AFF2: variants seen among roughly 807,000 people sequenced by gnomAD.
AFF2 encodes the protein AF4/FMR2 family member 2.
AFF2 carries 14 observed loss-of-function variants against 76.9 expected under a neutral mutation model. The observed-to-expected ratio is 0.18, with a 90% CI of 0.12 to 0.28. AFF2 has a LOEUF of 0.28. AFF2 is among the 10% of genes least tolerant of loss of function. The pLI, the probability that AFF2 is intolerant of heterozygous loss-of-function variation, is 1.00. For synonymous variants in AFF2, 398 were observed against 366.7 expected (o/e 1.09, Z -0.98); for missense variants, 868 against 1,001.1 (o/e 0.87, Z 1.79).
At chrX:148,944,926 C>G (rs1209959016) in intron 9 of AFF2, among the ~76,000 whole-genome samples, 1 of 111,583 alleles carries the variant, frequency 9.0e-6, no homozygotes. Context: ...GCTACATCTC[C>G]GTATTCTCAG....
chrX:148,662,609 C>A lies in AFF2; in HGVS notation c.882C>A (p.Gly294=), dbSNP rs782113873. 1 of 1,211,400 alleles carries A rather than the reference C, an allele frequency of 8.3e-7. No individual in the cohort carries two copies. The highest frequency in any genetic ancestry group is 1.1e-6 in the Non-Finnish European group (1 of 895,460). The change falls in exon 3 of 21, where the codon GGC becomes GGA. Residue 294 remains glycine (G), a synonymous_variant. Coordinates refer to ENST00000370460, the MANE Select transcript of AFF2 (RefSeq NM_002025.4). The part of the protein sequence containing the change: ...KPTAYVRPMD[G]QDQAPDISPT... Reference sequence around the variant, plus strand: ...CTGCATACGTCAGACCCATGGATGGCCAGGACCAGGCACCGGACATCTCAC... The same window carrying A: ...CTGCATACGTCAGACCCATGGATGGACAGGACCAGGCACCGGACATCTCAC...
intron 3 of AFF2, among the ~76,000 whole-genome samples, chrX:148,706,539 C>T (rs1557262409): frequency 1.8e-5 from 2 of 112,319 alleles, no homozygotes; most frequent in East Asian, 5.6e-4. Context: ...TGGAGTTGTC[C>T]CAGATACATT....
intron 1 of AFF2, among the ~76,000 whole-genome samples, chrX:148,571,643 A>T (rs185766267): frequency 3.6e-5 from 4 of 111,537 alleles, no homozygotes; most frequent in Non-Finnish European, 5.7e-5. Context: ...AATGCCAATT[A>T]AAAAAAGGCA....
At chrX:148,713,165 G>A (rs1004603577) in intron 3 of AFF2, among the ~76,000 whole-genome samples, 2 of 111,173 alleles carry the variant, frequency 1.8e-5, no homozygotes, top group Non-Finnish European at 1.9e-5. Flanking sequence ...AGTACTCAAA[G>A]GGGAGAATGG....
intron 1 of AFF2, among the ~76,000 whole-genome samples, chrX:148,568,287 G>A (rs952313477): frequency 4.5e-5 from 5 of 111,575 alleles, no homozygotes; most frequent in Non-Finnish European, 7.5e-5. Context: ...GTACGCATTC[G>A]AATCATTGGA....
chrX:148,513,105 A>G (rs113242837), intron 1 of AFF2, among the ~76,000 whole-genome samples: 7,373 of 112,162 alleles, frequency 0.066, 606 homozygotes, highest in African/African-American at 0.23. Flanking sequence ...ATTTTATTTC[A>G]TTTTTAAGAT....
chrX:148,641,581 A>G (rs1223567833), intron 1 of AFF2, among the ~76,000 whole-genome samples: 1 of 111,813 alleles, frequency 8.9e-6, no homozygotes, highest in Non-Finnish European at 1.9e-5. Context: ...TTTCATTGTG[A>G]ACCGGCTCAG....
At chrX:148,502,617 T>C (rs1335764427) in intron 1 of AFF2, among the ~76,000 whole-genome samples, 1 of 112,691 alleles carries the variant, frequency 8.9e-6, no homozygotes, top group Non-Finnish European at 1.9e-5. Flanking sequence ...ACTATAAAAT[T>C]ATTGCTCAAT....
At chrX:148,551,131 A>G (rs1293201178) in intron 1 of AFF2, among the ~76,000 whole-genome samples, 9 of 110,725 alleles carry the variant, frequency 8.1e-5, no homozygotes, top group African/African-American at 3.0e-4. Flanking sequence ...TTCAAGCCAT[A>G]TAGAAATAAA....
chrX:148,967,761 C>T (rs1451861597), intron 15 of AFF2, 69 bp downstream of exon 15: 58 of 1,062,318 alleles, frequency 5.5e-5, no homozygotes, highest in Non-Finnish European at 7.5e-5. Flanking sequence ...ACAAAGAAAG[C>T]ACTTTTCCAA....
At chrX:148,764,393 C>A (rs782553383) in intron 3 of AFF2, among the ~76,000 whole-genome samples, 2 of 111,989 alleles carry the variant, frequency 1.8e-5, no homozygotes, top group South Asian at 7.4e-4. Flanking sequence ...TTAAAAGATG[C>A]CAGTTTTGAT....
At chrX:148,701,005 AG>A (rs1557261798) in intron 3 of AFF2, among the ~76,000 whole-genome samples, 123 of 88,534 alleles carry the variant, frequency 1.4e-3, no homozygotes, top group African/African-American at 5.1e-3. Context: ...AGAGAGAGAG[AG>A]AGAGAATGTG....
At chrX:148,868,871 C>T (rs1171441783) in intron 7 of AFF2, among the ~76,000 whole-genome samples, 1 of 112,033 alleles carries the variant, frequency 8.9e-6, no homozygotes, top group Non-Finnish European at 1.9e-5. Flanking sequence ...CAAGTTCCCT[C>T]CAGCCTTTTA....
chrX:148,945,242 A>G (rs782768267), intron 9 of AFF2, among the ~76,000 whole-genome samples: 2 of 112,053 alleles, frequency 1.8e-5, no homozygotes, highest in Non-Finnish European at 3.8e-5. Context: ...GGAAAGTGGT[A>G]AACTGATATC....
intron 1 of AFF2, among the ~76,000 whole-genome samples, chrX:148,560,149 C>T (rs1314634623): frequency 7.2e-5 from 8 of 111,039 alleles, no homozygotes; most frequent in Non-Finnish European, 3.8e-5. Context: ...TCAAACTATA[C>T]TACAAGGCTA....
At chrX:148,670,642 T>A (rs1459526356) in intron 3 of AFF2, among the ~76,000 whole-genome samples, 6 of 111,440 alleles carry the variant, frequency 5.4e-5, no homozygotes, top group South Asian at 3.8e-4. Context: ...TTCCCTGTCA[T>A]CCTAGGAGAC....
At chrX:148,840,558 A>T (rs2070586879) in intron 5 of AFF2, among the ~76,000 whole-genome samples, 1 of 112,877 alleles carries the variant, frequency 8.9e-6, no homozygotes, top group Admixed American at 9.4e-5. Flanking sequence ...GCTATTGCTT[A>T]AAAGAACCTC....
chrX:148,698,261 T>G (rs2054744825), intron 3 of AFF2, among the ~76,000 whole-genome samples: 1 of 112,684 alleles, frequency 8.9e-6, no homozygotes, highest in Non-Finnish European at 1.9e-5. Flanking sequence ...CTAAATGGCT[T>G]TAGGCATCAC....
Position 148,603,295 on chromosome X carries a change from T to C in AFF2, c.48-48704T>C, listed in dbSNP as rs143901803. Among the ~76,000 whole-genome samples the C allele has an allele frequency of 8.1e-3, 903 of 111,852 alleles. 6 individuals are homozygous for C. Among genetic ancestry groups the C allele is most frequent in the African/African-American group, 0.027 (830 of 30,850 alleles). On this transcript the variant is annotated intron_variant, in intron 1 of 20. Coordinates refer to ENST00000370460, the MANE Select transcript of AFF2 (RefSeq NM_002025.4). Reference sequence around the variant, plus strand: ...CTGACTCTGCTCTGATAAAAGACTTTGCAGTCAGTAAGGGGCGACTGAGAA... The same window carrying C: ...CTGACTCTGCTCTGATAAAAGACTTCGCAGTCAGTAAGGGGCGACTGAGAA...
Sources: gnomAD v4.1 joint callset for allele counts (sites outside exome capture counted in the v4.1 genomes callset) on GRCh38, gnomAD v4.1.1 for gene constraint, MANE v1.5 for transcripts, NCBI Gene and HGNC (gene_info 2026-07-23, HGNC 2026-07-21) for gene names.